CDHR5: variants seen among roughly 807,000 people sequenced by gnomAD.
CDHR5 encodes the protein cadherin-related family member 5.
CDHR5 carries 82 observed loss-of-function variants against 69.5 expected under a neutral mutation model. That is an observed-to-expected ratio of 1.18 (90% CI 0.99 to 1.42). CDHR5 has a LOEUF of 1.42. CDHR5 is among the 40% of genes most tolerant of loss of function. The pLI is 0.00. For synonymous variants in CDHR5, 601 were observed against 510.2 expected (o/e 1.18, Z -2.40); for missense variants, 1,293 against 1,168.9 (o/e 1.11, Z -1.55).
Position 624,451 on chromosome 11 carries a change from G to A in CDHR5, c.261+106C>T, listed in dbSNP as rs767102224. Reference sequence around the variant, plus strand: ...GCACCACCAAGCATGGGTGTCAGTGGATGCCCGCAGGCATAGAACTCCTAG... The same window carrying A: ...GCACCACCAAGCATGGGTGTCAGTGAATGCCCGCAGGCATAGAACTCCTAG... On this transcript the variant is annotated intron_variant, in intron 2 of 14. Transcript: ENST00000397542. This position sits in a 1 kb window ranked among gnomAD's most constrained non-coding sequence, Gnocchi z 5.3. The A allele has an allele frequency of 2.6e-6, 3 of 1,172,978 alleles. No homozygotes were observed. The highest frequency in any genetic ancestry group is 1.8e-5 in the Admixed American group (1 of 56,664). 72.7% of individuals were successfully genotyped at this position (1,172,978 alleles called of 1,614,324 possible). A position where few individuals can be genotyped will look rare whatever the true frequency, so the allele number is the denominator to read the frequency against.
At position 621,562 on chromosome 11, in the gene CDHR5, T is replaced by G; in HGVS notation, c.507A>C (p.Ala169=). 6.2e-7 allele frequency: 1 copy of G among 1,611,814 alleles called. No homozygotes were observed. Among genetic ancestry groups the G allele is most frequent in the South Asian group, 1.1e-5 (1 of 91,042 alleles). Residue 169 remains alanine, a splice_region_variant and synonymous_variant, in exon 5 of 15, where the codon GCA becomes GCC. Transcript: ENST00000397542. This position sits in a 1 kb window ranked among gnomAD's most constrained non-coding sequence, Gnocchi z 4.4. ...CTGGGGCAGGGTGGGCGGCACTGAC[T>G]GCTGTCATTTCCTGGAGGGTGTAGA... ...ILFYTLQEMT[A]GASDYFSLVS...
intron 3 of CDHR5, among the ~76,000 whole-genome samples, chr11:622,227 G>A (rs961680144): frequency 2.0e-5 from 3 of 152,256 alleles, no homozygotes; most frequent in African/African-American, 7.2e-5. Flanking sequence ...CACAGCTCTA[G>A]GCGTTGGGAT....
At chr11:618,266 C>T (rs1459699629) in intron 13 of CDHR5, among the ~76,000 whole-genome samples, 155 bp from the exon 14 acceptor site, 1 of 152,230 alleles carries the variant, frequency 6.6e-6, no homozygotes, top group East Asian at 1.9e-4. Context: ...CTCAAGGGGC[C>T]TGTGTGTCCC....
rs371415796 is a variant in CDHR5 at position 621,419 on chromosome 11, G to A, written c.544C>T (p.Arg182Cys). 30 of 1,612,584 alleles carry A rather than the reference G, an allele frequency of 1.9e-5. No individual in the cohort carries two copies. Among genetic ancestry groups the A allele is most frequent in the East Asian group, 4.5e-5 (2 of 44,886 alleles). The change falls in exon 6 of 15, where the codon CGT becomes TGT. Residue 182 changes from arginine to cysteine, a missense_variant. Coordinates refer to ENST00000397542, the MANE Select transcript of CDHR5 (RefSeq NM_021924.5). This position sits in a 1 kb window ranked among gnomAD's most constrained non-coding sequence, Gnocchi z 4.4. ...SDYFSLVSVNRPALRLDRPLD... is the reference protein window; with the variant it reads ...SDYFSLVSVNCPALRLDRPLD... ...GGCCGGTCCAGCCTCAGGGCGGGAC[G>A]GTTTACACTCACCAGGGAGAAGTAG...
intron 3 of CDHR5, among the ~76,000 whole-genome samples, chr11:622,424 T>G (rs1274486960): frequency 3.1e-5 from 4 of 129,544 alleles, no homozygotes; most frequent in African/African-American, 2.8e-5. Flanking sequence ...CTTTTCTCTG[T>G]TTTTTTTTTT....
In CDHR5 at chr11:617,645, T is replaced by A; in HGVS notation, c.2244A>T (p.Ala748=). ...PAEAPMPAEP[A]PPGPASPGGA... is the part of the protein sequence containing the mutation. Reference sequence around the variant, plus strand: ...CGCCTGGGGAGGCAGGGCCGGGGGGTGCGGGCTCTGCGGGCATCGGTGCCT... The same window carrying A: ...CGCCTGGGGAGGCAGGGCCGGGGGGAGCGGGCTCTGCGGGCATCGGTGCCT... Residue 748 remains alanine, a synonymous_variant, in exon 15 of 15, where the codon GCA becomes GCT. Coordinates refer to ENST00000397542, the MANE Select transcript of CDHR5 (RefSeq NM_021924.5). 2 of 1,536,244 alleles carry A rather than the reference T, an allele frequency of 1.3e-6. No individual in the cohort carries two copies. Among genetic ancestry groups the A allele is most frequent in the Non-Finnish European group, 1.7e-6 (2 of 1,144,788 alleles).
intron 3 of CDHR5, among the ~76,000 whole-genome samples, chr11:623,603 A>C (rs868521708): frequency 1.8e-4 from 27 of 151,396 alleles, no homozygotes; most frequent in Middle Eastern, 3.4e-3. Context: ...CTGAGGCTGC[A>C]GTGGAGCCTC....
Position 616,870 on chromosome 11 carries a change from T to C in CDHR5, c.*481A>G. The stretch of plus-strand genomic sequence containing the variant: ...GGGACTAGGACCCCCGGCAGGTGTT[T>C]GAGACCACCGGCTCCCAAGTGCGTC... On this transcript the variant is annotated 3_prime_UTR_variant, in exon 15 of 15. Transcript: ENST00000397542. The C allele has an allele frequency of 5.6e-6, 1 of 179,554 alleles. No individual in the cohort carries two copies. The highest frequency in any genetic ancestry group is 1.2e-5 in the Non-Finnish European group (1 of 83,184). The allele number at this position is 179,554 out of a possible 1,614,324, so 11.1% of individuals were successfully genotyped here.
Position 620,054 on chromosome 11 carries a change from G to C in CDHR5, c.978+13C>G, listed in dbSNP as rs1857275554. The C allele has an allele frequency of 6.3e-7, 1 of 1,594,326 alleles. No individual in the cohort carries two copies. Among genetic ancestry groups the C allele is most frequent in the Non-Finnish European group, 8.6e-7 (1 of 1,168,146 alleles). ...CCCCTCTGCCCTGCCCCCCATGCAG[G>C]TGCCCACCTCACCTTCACCAGCAGA... On this transcript the variant is annotated intron_variant, in intron 9 of 14. Transcript: ENST00000397542.
In CDHR5 at chr11:619,382, G is replaced by C; in HGVS notation, c.1302C>G (p.Ala434=). ...QAGAFYAEVE[A]HNTVTSGTAT... ...CGGTGCCAGAGGTCACCGTGTTGTG[G>C]GCCTCAACCTGGGGCAGGAAGGGGC... The change falls in exon 12 of 15, where the codon GCC becomes GCG. Residue 434 remains alanine, a synonymous_variant. Coordinates refer to ENST00000397542, the MANE Select transcript of CDHR5 (RefSeq NM_021924.5). 3 of 1,613,600 alleles carry C rather than the reference G, an allele frequency of 1.9e-6. No individual in the cohort carries two copies. Among genetic ancestry groups the C allele is most frequent in the Non-Finnish European group, 2.5e-6 (3 of 1,179,726 alleles).
intron 13 of CDHR5, 98 bp downstream of exon 13, chr11:618,501 G>T: frequency 7.1e-7 from 1 of 1,405,742 alleles, no homozygotes; most frequent in African/African-American, 1.4e-5. Context: ...GGATTTCATG[G>T]TCAGGCCAGG....
At position 617,596 on chromosome 11, in the gene CDHR5, C is replaced by T. The variant is rs747852490; in HGVS notation, c.2293G>A (p.Ala765Thr). 3.1e-6 allele frequency: 5 copies of T among 1,607,690 alleles called. No homozygotes were observed. The South Asian group carries it at 4.4e-5, about 14-fold the overall frequency. Residue 765 changes from alanine (A) to threonine (T), a missense_variant, in exon 15 of 15, where the codon GCC becomes ACC. By Grantham distance (58) the Ala-to-Thr change is moderately conservative. Coordinates refer to ENST00000397542, the MANE Select transcript of CDHR5 (RefSeq NM_021924.5). ...GCCGTGGGGCTTCCGCCAGCTCGGG[C>T]CGCTGCGGGGGGCTCAGGGGCACCG... is the stretch of plus-strand genomic sequence containing the variant. Reference protein sequence around the residue: ...PGGAPEPPAAARAGGSPTAVR... With the variant: ...PGGAPEPPAATRAGGSPTAVR...
chr11:623,913 T>TTTCC (rs1857561603), intron 3 of CDHR5, among the ~76,000 whole-genome samples: 1 of 151,116 alleles, frequency 6.6e-6, no homozygotes, highest in African/African-American at 2.4e-5. Flanking sequence ...GGAGGGCGAG[T>TTTCC]GGGAACCAAG....
In CDHR5 at chr11:621,463, G is replaced by A; in HGVS notation, c.508-8C>T. The A allele has an allele frequency of 6.2e-7, 1 of 1,609,274 alleles. No individual in the cohort carries two copies. The highest frequency in any genetic ancestry group is 1.3e-5 in the African/African-American group (1 of 74,924). On this transcript the variant is annotated splice_region_variant and splice_polypyrimidine_tract_variant and intron_variant, in intron 5 of 14. Coordinates refer to ENST00000397542, the MANE Select transcript of CDHR5 (RefSeq NM_021924.5). This position sits in a 1 kb window ranked among gnomAD's most constrained non-coding sequence, Gnocchi z 4.4. ...GAAGTAGTCACTGGCACCCTGGGGAGGGTCAGGGAGGACAGAGCCTAAGAG... is the reference window on the plus strand; with the variant it reads ...GAAGTAGTCACTGGCACCCTGGGGAAGGTCAGGGAGGACAGAGCCTAAGAG...
At chr11:620,495 T>TCCCG in intron 7 of CDHR5, 109 bp from the exon 8 acceptor site, 1 of 721,654 alleles carries the variant, frequency 1.4e-6, no homozygotes, top group Non-Finnish European at 2.3e-6. Context: ...AGGGGCCCAG[T>TCCCG]CCCGCTGGTG....
chr11:616,947 G>GATCTCGGT lies in CDHR5; in HGVS notation c.*403_*404insACCGAGAT. ...AGCCTCCCCAGGCAATCTCTGTGTAGGGTCGGGAGCGGGAGGTCTGAGATG... is the reference window on the plus strand; with the variant it reads ...AGCCTCCCCAGGCAATCTCTGTGTAGATCTCGGTGGTCGGGAGCGGGAGGTCTGAGATG... On this transcript the variant is annotated 3_prime_UTR_variant, in exon 15 of 15. Coordinates refer to ENST00000397542, the MANE Select transcript of CDHR5 (RefSeq NM_021924.5). The GATCTCGGT allele has an allele frequency of 1.3e-5, 3 of 224,696 alleles. No individual in the cohort carries two copies. Among genetic ancestry groups the GATCTCGGT allele is most frequent in the Admixed American group, 5.7e-5 (1 of 17,490 alleles). 13.9% of individuals were successfully genotyped at this position (224,696 alleles called of 1,614,324 possible).
At chr11:622,488 G>A (rs1028571288) in intron 3 of CDHR5, among the ~76,000 whole-genome samples, 9 of 148,566 alleles carry the variant, frequency 6.1e-5, no homozygotes, top group Admixed American at 4.1e-4. Flanking sequence ...ATACAGTCTC[G>A]CTCTGTCGTC....
At position 617,286 on chromosome 11, in the gene CDHR5, G is replaced by A. The variant is rs1225347451; in HGVS notation, c.*65C>T. 16 of 1,297,282 alleles carry A rather than the reference G, an allele frequency of 1.2e-5. No homozygotes were observed. The highest frequency in any genetic ancestry group is 2.1e-5 in the Admixed American group (1 of 48,472). 80.4% of individuals were successfully genotyped at this position (1,297,282 alleles called of 1,614,324 possible). On this transcript the variant is annotated 3_prime_UTR_variant, in exon 15 of 15. Coordinates refer to ENST00000397542, the MANE Select transcript of CDHR5 (RefSeq NM_021924.5). ...GGAGCCTTGCTTTATTCTGCCTCGG[G>A]TCGGAGGCTGGGGGAGCGAGACCTC...
Position 619,672 on chromosome 11 carries a change from ACT to A in CDHR5, c.1179+7_1179+8del, listed in dbSNP as rs775155124. 2.5e-5 allele frequency: 40 copies of A among 1,612,634 alleles called. No homozygotes were observed. The East Asian group carries it at 8.7e-4, about 35-fold the overall frequency. On this transcript the variant is annotated splice_region_variant and intron_variant, in intron 10 of 14. Coordinates refer to ENST00000397542, the MANE Select transcript of CDHR5 (RefSeq NM_021924.5). ...CCCACAGAGGGGAGGCCTTGGATGC[ACT>A]CTCTACCGAGAACTCCGGGTCCTGA...
Sources: gnomAD v4.1 joint callset for allele counts (sites outside exome capture counted in the v4.1 genomes callset) on GRCh38, gnomAD v4.1.1 for gene constraint, Gnocchi (gnomAD v3.1) non-coding constraint, MANE v1.5 for transcripts, NCBI Gene and HGNC (gene_info 2026-07-23, HGNC 2026-07-21) for gene names.